Variants in NXPE2 observed in about 807,000 individuals in gnomAD.
NXPE2 encodes the protein neurexophilin and PC-esterase domain family member 2.
In NXPE2, 34 loss-of-function variants were observed where a neutral mutation model predicts 34.4. The ratio of observed to expected loss-of-function variants is 0.99; its 90% confidence interval spans 0.75 to 1.31. NXPE2 has a LOEUF of 1.31. Ranked by LOEUF, NXPE2 falls within the 40% of genes most tolerant of loss-of-function variation. The pLI is 0.00. For synonymous variants in NXPE2, 235 were observed against 231.3 expected, an observed-to-expected ratio of 1.02 and a Z score of -0.15; for missense variants, 649 against 672.5, an observed-to-expected ratio of 0.97 and a Z score of 0.39.
chr11:114,615,323 C>T, the NXPE2 span, among the ~76,000 whole-genome samples: 2 of 151,932 alleles, frequency 1.3e-5, no homozygotes, highest in Non-Finnish European at 2.9e-5. Flanking sequence ...TGGGTAACCA[C>T]CATTACCCGC....
chr11:114,807,831 C>T, the NXPE2 span, among the ~76,000 whole-genome samples: 1 of 152,190 alleles, frequency 6.6e-6, no homozygotes, highest in African/African-American at 2.4e-5. Flanking sequence ...CTCAGCTCTG[C>T]ACCAAGCAGA....
At chr11:114,570,878 C>T in the NXPE2 span, 7 of 1,219,068 alleles carry the variant, frequency 5.7e-6, no homozygotes, top group Non-Finnish European at 8.0e-6. Context: ...ATCTGGCCTG[C>T]TAGTAGACAG....
At chr11:114,484,356 G>C in the NXPE2 span, among the ~76,000 whole-genome samples, 1 of 140,592 alleles carries the variant, frequency 7.1e-6, no homozygotes, top group Non-Finnish European at 1.6e-5. Flanking sequence ...TTTGGGATGT[G>C]GGGGGGTAGA....
At chr11:114,466,983 C>A in the NXPE2 span, among the ~76,000 whole-genome samples, 1 of 152,192 alleles carries the variant, frequency 6.6e-6, no homozygotes, top group Non-Finnish European at 1.5e-5. Context: ...ATTTAGACAG[C>A]TTCCAGACAA....
At chr11:114,596,472 A>G in the NXPE2 span, among the ~76,000 whole-genome samples, 1 of 152,190 alleles carries the variant, frequency 6.6e-6, no homozygotes, top group African/African-American at 2.4e-5. Flanking sequence ...ATGCCCATCA[A>G]TCTTTCCAGT....
chr11:114,522,239 T>G, the NXPE2 span: 1 of 1,614,154 alleles, frequency 6.2e-7, no homozygotes, highest in Non-Finnish European at 8.5e-7. Flanking sequence ...AATAGCCTTT[T>G]GAACACCGAT....
chr11:114,617,299 C>A, the NXPE2 span, among the ~76,000 whole-genome samples: 1 of 148,864 alleles, frequency 6.7e-6, no homozygotes, highest in East Asian at 2.0e-4. Context: ...CCATTACCCA[C>A]CAGATACTAA....
At chr11:114,471,282 A>G in the NXPE2 span, among the ~76,000 whole-genome samples, 1 of 152,054 alleles carries the variant, frequency 6.6e-6, no homozygotes, top group East Asian at 1.9e-4. Flanking sequence ...CTAGGTCTAT[A>G]ATCTATTTTG....
chr11:114,808,088 C>T, the NXPE2 span, among the ~76,000 whole-genome samples: 67 of 152,234 alleles, frequency 4.4e-4, no homozygotes, highest in East Asian at 2.1e-3. Flanking sequence ...TGCTCCTGAA[C>T]GACTACTGGG....
the NXPE2 span, among the ~76,000 whole-genome samples, chr11:114,601,776 A>G: frequency 3.3e-3 from 236 of 72,608 alleles, 9 homozygotes; most frequent in African/African-American, 0.012. Context: ...TATATATTAT[A>G]ATTATATAAC....
At chr11:114,745,066 A>G in the NXPE2 span, among the ~76,000 whole-genome samples, 5 of 152,166 alleles carry the variant, frequency 3.3e-5, no homozygotes, top group African/African-American at 1.2e-4. Flanking sequence ...AATGCAAACA[A>G]GAATAATAAA....
chr11:114,808,828 G>A, the NXPE2 span, among the ~76,000 whole-genome samples: 2 of 152,054 alleles, frequency 1.3e-5, no homozygotes, highest in Non-Finnish European at 2.9e-5. Context: ...AGGGAATCCT[G>A]CCTAACTCAT....
the NXPE2 span, among the ~76,000 whole-genome samples, chr11:114,804,665 T>G: frequency 6.6e-6 from 1 of 152,262 alleles, no homozygotes; most frequent in Non-Finnish European, 1.5e-5. Context: ...CATAGTAGAA[T>G]CAAGATAAGG....
chr11:114,712,300 A>C, the NXPE2 span, among the ~76,000 whole-genome samples: 1 of 152,354 alleles, frequency 6.6e-6, no homozygotes, highest in South Asian at 2.1e-4. Context: ...ATGGGACTAC[A>C]TCAAACTTAA....
At chr11:114,756,745 G>T in the NXPE2 span, among the ~76,000 whole-genome samples, 1 of 152,088 alleles carries the variant, frequency 6.6e-6, no homozygotes, top group Admixed American at 6.5e-5. Context: ...TACTTGTTTT[G>T]TTTCTAGTTT....
At chr11:114,639,914 A>T in the NXPE2 span, among the ~76,000 whole-genome samples, 22 of 116,346 alleles carry the variant, frequency 1.9e-4, no homozygotes, top group Admixed American at 2.1e-3. Flanking sequence ...TATAAAATAT[A>T]ATATTATATT....
In NXPE2 at chr11:114,698,688, A is replaced by C. The variant is rs560018157; in HGVS notation, c.776A>C (p.Gln259Pro). Reference protein sequence around the residue: ...DQEAFYCVRPQHMPCEALTHM... With the variant: ...DQEAFYCVRPPHMPCEALTHM... ...GAAGCCTTCTACTGTGTGAGGCCTCAACATATGCCCTGTGAGGCCTTGACC... is the reference window on the plus strand; with the variant it reads ...GAAGCCTTCTACTGTGTGAGGCCTCCACATATGCCCTGTGAGGCCTTGACC... The change falls in exon 3 of 6, where the codon CAA becomes CCA. Residue 259 changes from glutamine (Q) to proline (P), a missense_variant. Transcript: ENST00000389586. 1 of 1,614,032 alleles carries C rather than the reference A, an allele frequency of 6.2e-7. No individual in the cohort carries two copies. Among genetic ancestry groups the C allele is most frequent in the Non-Finnish European group, 8.5e-7 (1 of 1,179,994 alleles).
the NXPE2 span, among the ~76,000 whole-genome samples, chr11:114,739,136 A>G: frequency 6.6e-6 from 1 of 152,188 alleles, no homozygotes; most frequent in Non-Finnish European, 1.5e-5. Context: ...GCAGTGATGC[A>G]CCACACCAGC....
chr11:114,631,249 A>C, the NXPE2 span, among the ~76,000 whole-genome samples: 1 of 151,926 alleles, frequency 6.6e-6, no homozygotes, highest in Admixed American at 6.6e-5. Context: ...CATTATTCAC[A>C]ATAGCAAAGA....
Sources: gnomAD v4.1 joint callset for allele counts (sites outside exome capture counted in the v4.1 genomes callset) on GRCh38, gnomAD v4.1.1 for gene constraint, MANE v1.5 for transcripts, NCBI Gene and HGNC (gene_info 2026-07-23, HGNC 2026-07-21) for gene names.